GABBR2: variants seen among roughly 807,000 people sequenced by gnomAD.
GABBR2 encodes gamma-aminobutyric acid type B receptor subunit 2, also known as G-protein coupled receptor 51.
A neutral mutation model predicts 105.6 loss-of-function variants in GABBR2; 23 were observed. That is an observed-to-expected ratio of 0.22 (90% confidence interval 0.16 to 0.31). The LOEUF is 0.31. Among genes scored for constraint, GABBR2 ranks in the 10% least tolerant of loss-of-function variants. The pLI is 1.00. For missense variants in GABBR2, 734 were observed against 1,245.5 expected (o/e 0.59, Z 6.18); for synonymous variants, 478 against 499.7 (o/e 0.96, Z 0.58).
At chr9:98,648,378 C>T (rs371157172) in intron 1 of GABBR2, among the ~76,000 whole-genome samples, 174 of 152,168 alleles carry the variant, frequency 1.1e-3, no homozygotes, top group African/African-American at 3.9e-3. Context: ...GGTGATCCAC[C>T]CACCTCAGCC....
chr9:98,496,092 C>T (rs1827273875), intron 4 of GABBR2: 1 of 287,648 alleles, frequency 3.5e-6, no homozygotes, highest in African/African-American at 2.1e-5. Flanking sequence ...AAAGACAGTT[C>T]CTCTCTCTGT....
intron 14 of GABBR2, among the ~76,000 whole-genome samples, chr9:98,308,708 G>C (rs780926271): frequency 3.3e-5 from 5 of 152,174 alleles, no homozygotes; most frequent in African/African-American, 1.2e-4. Flanking sequence ...ATCAGGTGCC[G>C]GAAGAGGCAA....
chr9:98,603,809 G>T (rs1420060957), intron 1 of GABBR2, among the ~76,000 whole-genome samples: 1 of 152,124 alleles, frequency 6.6e-6, no homozygotes, highest in Non-Finnish European at 1.5e-5. Flanking sequence ...AGAATATTCT[G>T]GTTCTTACTT....
chr9:98,705,736 C>G (rs947433456), intron 1 of GABBR2, among the ~76,000 whole-genome samples: 1 of 152,158 alleles, frequency 6.6e-6, no homozygotes, highest in Non-Finnish European at 1.5e-5. Context: ...GGAGAAAGCA[C>G]CTCTACTTTA....
At chr9:98,293,300 G>C (rs1385381430) in intron 18 of GABBR2, among the ~76,000 whole-genome samples, 1 of 152,054 alleles carries the variant, frequency 6.6e-6, no homozygotes, top group Non-Finnish European at 1.5e-5. Context: ...TTCCTCCAAA[G>C]CTCCTATTGT....
At chr9:98,559,100 T>G (rs759325875) in intron 2 of GABBR2, among the ~76,000 whole-genome samples, 3 of 152,218 alleles carry the variant, frequency 2.0e-5, no homozygotes, top group Non-Finnish European at 2.9e-5. Context: ...ATTTCATGAT[T>G]TAGTAATTAT....
At chr9:98,573,309 G>T (rs1162368629) in intron 2 of GABBR2, among the ~76,000 whole-genome samples, 2 of 152,176 alleles carry the variant, frequency 1.3e-5, no homozygotes, top group Admixed American at 1.3e-4. Flanking sequence ...TAGAGGCAGG[G>T]TATCGCTTTT....
intron 1 of GABBR2, among the ~76,000 whole-genome samples, chr9:98,691,649 G>A (rs970354916): frequency 6.6e-6 from 1 of 152,190 alleles, no homozygotes; most frequent in African/African-American, 2.4e-5. Flanking sequence ...TCAGCTCTCT[G>A]TCCACAGTGT....
chr9:98,305,948 G>A (rs1830543958), intron 15 of GABBR2, among the ~76,000 whole-genome samples, 173 bp downstream of exon 15: 3 of 151,974 alleles, frequency 2.0e-5, no homozygotes, highest in Admixed American at 6.5e-5. Flanking sequence ...GGAAATTTCT[G>A]AAAAACCTGG....
chr9:98,625,099 G>A (rs1829716744), intron 1 of GABBR2, among the ~76,000 whole-genome samples: 1 of 152,222 alleles, frequency 6.6e-6, no homozygotes, highest in African/African-American at 2.4e-5. Flanking sequence ...TGGAACCAGA[G>A]CCTGTACATA....
chr9:98,296,475 G>T (rs1830384268), intron 17 of GABBR2, among the ~76,000 whole-genome samples: 1 of 152,222 alleles, frequency 6.6e-6, no homozygotes, highest in Admixed American at 6.5e-5. Context: ...TGCTGGGTCT[G>T]AATGATTTCT....
chr9:98,697,991 G>A (rs1243030723), intron 1 of GABBR2, among the ~76,000 whole-genome samples: 1 of 152,218 alleles, frequency 6.6e-6, no homozygotes, highest in African/African-American at 2.4e-5. Flanking sequence ...AGACGATTTG[G>A]ATAATACAGT....
At chr9:98,669,274 A>G (rs1830377292) in intron 1 of GABBR2, among the ~76,000 whole-genome samples, 1 of 151,718 alleles carries the variant, frequency 6.6e-6, no homozygotes, top group Non-Finnish European at 1.5e-5. Flanking sequence ...TAAAGCGGTG[A>G]CTCGTGGTTT....
chr9:98,344,820 C>T (rs184786807), intron 13 of GABBR2, among the ~76,000 whole-genome samples: 1 of 152,306 alleles, frequency 6.6e-6, no homozygotes, highest in East Asian at 1.9e-4. Flanking sequence ...ACTCTATCCT[C>T]AATGTGCTAA....
At chr9:98,408,399 A>C (rs1036438309) in intron 7 of GABBR2, among the ~76,000 whole-genome samples, 2 of 152,208 alleles carry the variant, frequency 1.3e-5, no homozygotes, top group Non-Finnish European at 1.5e-5. Flanking sequence ...GAGGGTCTGC[A>C]TCAGGGTCAC....
Position 98,473,455 on chromosome 9 carries a change from A to T in GABBR2, c.799-109T>A, listed in dbSNP as rs775071206. 55 of 677,030 alleles carry T rather than the reference A, an allele frequency of 8.1e-5. 1 individual carries two copies. Among genetic ancestry groups the T allele is most frequent in the Non-Finnish European group, 1.3e-4 (50 of 385,360 alleles). 41.9% of individuals were successfully genotyped at this position (677,030 alleles called of 1,614,324 possible). A position where few individuals can be genotyped will look rare whatever the true frequency, so the allele number is the denominator to read the frequency against. On this transcript the variant is annotated intron_variant, in intron 5 of 18. Coordinates refer to ENST00000259455, the MANE Select transcript of GABBR2 (RefSeq NM_005458.8). The stretch of plus-strand genomic sequence containing the variant: ...GCTTCCTCTTCCCAGAGGATTTAGG[A>T]AATGTTTAATTACTTGTTTGGTTTC...
Position 98,485,855 on chromosome 9 carries a change from C to T in GABBR2, c.733-4858G>A, listed in dbSNP as rs1011321596. ...CTCACTCCCTTCTCTGGAGAACTGC[C>T]CTCAGCTAAGGGGAGCTTCCTGGCC... On this transcript the variant is annotated intron_variant, in intron 4 of 18. Transcript: ENST00000259455. Among the ~76,000 whole-genome samples, 5 of 152,168 alleles carry T rather than the reference C, an allele frequency of 3.3e-5. No homozygotes were observed. The South Asian group carries it at 1.0e-3, about 32-fold the overall frequency.
chr9:98,708,769 T>TCGGCCCGCATGGCCTGGCC lies in GABBR2; in HGVS notation c.-51_-33dup. 1.0e-6 allele frequency: 1 copy of TCGGCCCGCATGGCCTGGCC among 976,424 alleles called. No individual in the cohort carries two copies. Among genetic ancestry groups the TCGGCCCGCATGGCCTGGCC allele is most frequent in the Non-Finnish European group, 1.2e-6 (1 of 825,176 alleles). 60.5% of individuals were successfully genotyped at this position (976,424 alleles called of 1,614,324 possible). On this transcript the variant is annotated 5_prime_UTR_variant, in exon 1 of 19. The change creates a new upstream start codon in the 5' untranslated region. Transcript: ENST00000259455. The stretch of plus-strand genomic sequence containing the variant: ...CCGCGGGCTGCGGGCGCCGGCTCAC[T>TCGGCCCGCATGGCCTGGCC]CGGCCCGCATGGCCTGGCCCGGCCC...
At chr9:98,498,498 T>C (rs760336628) in intron 3 of GABBR2, among the ~76,000 whole-genome samples, 4 of 152,326 alleles carry the variant, frequency 2.6e-5, no homozygotes, top group East Asian at 1.9e-4. Context: ...TGTCACAGGA[T>C]GGTCAACACC....
Sources: gnomAD v4.1 joint callset for allele counts (sites outside exome capture counted in the v4.1 genomes callset) on GRCh38, gnomAD v4.1.1 for gene constraint, MANE v1.5 for transcripts, NCBI Gene and HGNC (gene_info 2026-07-23, HGNC 2026-07-21) for gene names.